IFT140: variants seen among roughly 807,000 people sequenced by gnomAD.
IFT140 encodes the protein intraflagellar transport 140, also known as intraflagellar transport protein 140 homolog.
In IFT140, 133 loss-of-function variants were observed where a neutral mutation model predicts 164.6. The observed-to-expected ratio is 0.81, with a 90% CI of 0.70 to 0.93. The LOEUF is 0.93. Ranked by LOEUF, IFT140 falls within the 40% of genes least tolerant of loss-of-function variation. IFT140 has a pLI of 0.00. For missense variants in IFT140, 2,045 were observed against 1,972.3 expected (o/e 1.04, Z -0.70); for synonymous variants, 860 against 817.3 (o/e 1.05, Z -0.89).
rs144087201 is a variant in IFT140, at chr16:1,589,719, C to T, written c.696G>A (p.Thr232=). ...KTTQVVSADS[T]IQMLFYMEKR... The stretch of plus-strand genomic sequence containing the variant: ...TCTCCATGTAGAACAGCATCTGAAT[C>T]GTGCTGTCTGCGGACACCACCTGAG... Residue 232 remains threonine, a synonymous_variant, in exon 7 of 31, where the codon ACG becomes ACA. Transcript: ENST00000426508. 27 of 1,614,016 alleles carry T rather than the reference C, an allele frequency of 1.7e-5. No homozygotes were observed. Among genetic ancestry groups the T allele is most frequent in the African/African-American group, 1.1e-4 (8 of 74,916 alleles).
Position 1,571,489 on chromosome 16 carries a change from G to A in IFT140, c.1570C>T (p.Pro524Ser), listed in dbSNP as rs1330192191. Residue 524 changes from proline (P) to serine (S), a missense_variant, in exon 14 of 31, where the codon CCC becomes TCC. Transcript: ENST00000426508. ...LLLFSETEGNPCFLDICGNFL... is the reference protein window; with the variant it reads ...LLLFSETEGNSCFLDICGNFL... ...TTCCCACAGATGTCCAAGAAGCAGG[G>A]ATTCCCCTCAGTCTCCGAGAAAAGG... is the stretch of plus-strand genomic sequence containing the variant. 6.2e-7 allele frequency: 1 copy of A among 1,613,990 alleles called. No individual in the cohort carries two copies. Among genetic ancestry groups the A allele is most frequent in the South Asian group, 1.1e-5 (1 of 91,076 alleles).
Position 1,558,096 on chromosome 16 carries a change from C to T in IFT140, c.2238G>A (p.Gly746=). ...ACACCATCTGAGGGATGTGGTGGCACCCAGGCTCCACCTCGTCTTCTCTGT... is the reference window on the plus strand; with the variant it reads ...ACACCATCTGAGGGATGTGGTGGCATCCAGGCTCCACCTCGTCTTCTCTGT... The part of the protein sequence containing the change: ...EADREDEVEP[G]CHHIPQMVSR... The change falls in exon 19 of 31, where the codon GGG becomes GGA. Residue 746 remains glycine, a synonymous_variant. Transcript: ENST00000426508. 1.2e-6 allele frequency: 2 copies of T among 1,614,148 alleles called. No homozygotes were observed. Among genetic ancestry groups the T allele is most frequent in the Non-Finnish European group, 1.7e-6 (2 of 1,180,024 alleles).
intron 6 of IFT140, among the ~76,000 whole-genome samples, chr16:1,591,354 T>C (rs921040755): frequency 5.3e-5 from 8 of 152,210 alleles, no homozygotes; most frequent in African/African-American, 1.9e-4. Context: ...ATGTCCCCCC[T>C]CCATTAGCTC....
intron 14 of IFT140, among the ~76,000 whole-genome samples, chr16:1,570,910 C>T (rs2033979615): frequency 6.6e-6 from 1 of 152,108 alleles, no homozygotes; most frequent in African/African-American, 2.4e-5. Context: ...TACGTGCCAC[C>T]ATGCCCAGCT....
At position 1,580,765 on chromosome 16, in the gene IFT140, G is replaced by A. The variant is rs199812296; in HGVS notation, c.1518C>T (p.Thr506=). ...TVESNRVQVR[T]WQGTVKQLLL... ...CAGTGGAGCAGCAACTTACCTGCCA[G>A]GTTCGAACTTGAACTCGGTTTGACT... Residue 506 remains threonine (T), a synonymous_variant, in exon 13 of 31, where the codon ACC becomes ACT. Coordinates refer to ENST00000426508, the MANE Select transcript of IFT140 (RefSeq NM_014714.4). The A allele has an allele frequency of 1.2e-6, 2 of 1,612,266 alleles. No homozygotes were observed. The highest frequency in any genetic ancestry group is 1.7e-6 in the Non-Finnish European group (2 of 1,178,310).
Position 1,564,069 on chromosome 16 carries a change from G to A in IFT140, c.1995C>T (p.Ala665=), listed in dbSNP as rs200653061. The A allele has an allele frequency of 4.6e-5, 74 of 1,604,526 alleles. No individual in the cohort carries two copies. The highest frequency in any genetic ancestry group is 3.0e-4 in the South Asian group (27 of 90,596). Residue 665 remains alanine, a synonymous_variant, in exon 17 of 31, where the codon GCC becomes GCT. Coordinates refer to ENST00000426508, the MANE Select transcript of IFT140 (RefSeq NM_014714.4). This position sits in a 1 kb window ranked among gnomAD's most constrained non-coding sequence, Gnocchi z 5.5. ...QSEPRLFVCE[A]VQETPRSQPQ... ...GCTGGGAGCGCGGCGTCTCCTGCAC[G>A]GCTTCGCATACAAACAGCCGGGGCT...
rs763569081 is a variant in IFT140, at chr16:1,562,112, T to C, written c.2072A>G (p.Asp691Gly). 1 of 1,596,786 alleles carries C rather than the reference T, an allele frequency of 6.3e-7. No homozygotes were observed. Among genetic ancestry groups the C allele is most frequent in the Non-Finnish European group, 8.5e-7 (1 of 1,172,888 alleles). The change falls in exon 18 of 31, where the codon GAT becomes GGT. Residue 691 changes from aspartate to glycine, a missense_variant. Coordinates refer to ENST00000426508, the MANE Select transcript of IFT140 (RefSeq NM_014714.4). ...PQDGRAGPAA[D>G]VLILSFFISE... ...AATGAAGAAGGACAGGATCAAAACA[T>C]CTGCCTGGGAGAGAAAGAAAAGTAC...
Position 1,583,306 on chromosome 16 carries a change from G to T in IFT140, c.1432+8C>A, listed in dbSNP as rs1470310323. ...GGGAGTGCCTCTGTCCGGGTGAAAAGAACCCACCTGCACTCCGTATCGCGG... is the reference window on the plus strand; with the variant it reads ...GGGAGTGCCTCTGTCCGGGTGAAAATAACCCACCTGCACTCCGTATCGCGG... On this transcript the variant is annotated splice_region_variant and intron_variant, in intron 12 of 30. Coordinates refer to ENST00000426508, the MANE Select transcript of IFT140 (RefSeq NM_014714.4). 6.2e-7 allele frequency: 1 copy of T among 1,613,464 alleles called. No individual in the cohort carries two copies. Among genetic ancestry groups the T allele is most frequent in the Admixed American group, 1.7e-5 (1 of 60,016 alleles).
Position 1,553,041 on chromosome 16 carries a change from A to C in IFT140, c.2399+4894T>G. 1.0e-6 allele frequency: 1 copy of C among 985,440 alleles called. No homozygotes were observed. The highest frequency in any genetic ancestry group is 1.2e-6 in the Non-Finnish European group (1 of 829,928). The allele number at this position is 985,440 out of a possible 1,614,324, so 61.0% of individuals were successfully genotyped here. A position where few individuals can be genotyped will look rare whatever the true frequency, so the allele number is the denominator to read the frequency against. On this transcript the variant is annotated intron_variant, in intron 19 of 30. Transcript: ENST00000426508. This position sits in a 1 kb window ranked among gnomAD's most constrained non-coding sequence, Gnocchi z 4.4. ...AAGTATTATAAAGAATGAACACAGA[A>C]ACCAGTCACTGTCATTGTTCAGGAC...
intron 14 of IFT140, among the ~76,000 whole-genome samples, chr16:1,569,825 C>A (rs2033928101): frequency 6.6e-6 from 1 of 151,334 alleles, no homozygotes; most frequent in Admixed American, 6.6e-5. Flanking sequence ...TGGGCCTAAG[C>A]AATCCACCTC....
Position 1,562,118 on chromosome 16 carries a change from T to C in IFT140, c.2068-2A>G, listed in dbSNP as rs1489989834. 1 of 1,579,614 alleles carries C rather than the reference T, an allele frequency of 6.3e-7. No homozygotes were observed. The highest frequency in any genetic ancestry group is 8.6e-7 in the Non-Finnish European group (1 of 1,166,684). Reference sequence around the variant, plus strand: ...GAAGGACAGGATCAAAACATCTGCCTGGGAGAGAAAGAAAAGTACTGTTCT... The same window carrying C: ...GAAGGACAGGATCAAAACATCTGCCCGGGAGAGAAAGAAAAGTACTGTTCT... On this transcript the variant is annotated splice_acceptor_variant, in intron 17 of 30. Transcript: ENST00000426508. LOFTEE classifies it high-confidence loss of function.
At chr16:1,555,273 C>A (rs2033001022) in intron 19 of IFT140, 1 of 508,042 alleles carries the variant, frequency 2.0e-6, no homozygotes, top group Non-Finnish European at 3.5e-6. Context: ...GGCTCCACGA[C>A]CACACGCACT....
chr16:1,603,340 G>C (rs997512526), intron 3 of IFT140, among the ~76,000 whole-genome samples: 1 of 152,108 alleles, frequency 6.6e-6, no homozygotes, highest in Non-Finnish European at 1.5e-5. Context: ...GGATCTGAAA[G>C]GTGAAAATTA....
chr16:1,545,284 AG>A (rs2032073185), intron 19 of IFT140, among the ~76,000 whole-genome samples: 1 of 150,908 alleles, frequency 6.6e-6, no homozygotes, highest in African/African-American at 2.4e-5. Context: ...CCAGAACGGC[AG>A]GCACCAGGGC....
chr16:1,541,790 C>A (rs780165207), intron 19 of IFT140: 30 of 1,135,456 alleles, frequency 2.6e-5, no homozygotes, highest in Non-Finnish European at 3.4e-5. Context: ...GAAGCCACTG[C>A]CCAATGGAGG....
chr16:1,546,970 C>T lies in IFT140; in HGVS notation c.2399+10965G>A, dbSNP rs922463462. Among the ~76,000 whole-genome samples the T allele has an allele frequency of 2.6e-5, 4 of 152,218 alleles. No individual in the cohort carries two copies. In the East Asian group the frequency reaches 5.8e-4, roughly 22 times the overall value. On this transcript the variant is annotated intron_variant, in intron 19 of 30. Transcript: ENST00000426508. ...AGTGAAGTCCCCGCCGTCCCCCAGT[C>T]GGTGCTCACATGACACTCTCTGCAT...
chr16:1,515,141 A>G (rs2040301226), intron 30 of IFT140, among the ~76,000 whole-genome samples: 1 of 152,218 alleles, frequency 6.6e-6, no homozygotes, highest in Non-Finnish European at 1.5e-5. Context: ...CAGAAGGAGA[A>G]AAAGAGCAAA....
At chr16:1,549,280 T>C (rs182333927) in intron 19 of IFT140, among the ~76,000 whole-genome samples, 16 of 152,374 alleles carry the variant, frequency 1.1e-4, no homozygotes, top group Admixed American at 2.6e-4. Context: ...CTTAGCCTTT[T>C]TTCACACAAG....
rs72761129 is a variant in IFT140, at chr16:1,590,681, C to T, written c.635-901G>A. 3.7e-3 allele frequency among the ~76,000 whole-genome samples: 564 copies of T among 152,316 alleles called. 2 individuals are homozygous for T. The highest frequency in any genetic ancestry group is 6.6e-3 in the Non-Finnish European group (452 of 68,032). ...TGGGGACTCAGGCTCATTTTTGCTG[C>T]TCTGTGGAGACTCCTCTGGGAGCCT... On this transcript the variant is annotated intron_variant, in intron 6 of 30. Transcript: ENST00000426508.
Sources: gnomAD v4.1 joint callset for allele counts (sites outside exome capture counted in the v4.1 genomes callset) on GRCh38, gnomAD v4.1.1 for gene constraint, Gnocchi (gnomAD v3.1) non-coding constraint, MANE v1.5 for transcripts, NCBI Gene and HGNC (gene_info 2026-07-23, HGNC 2026-07-21) for gene names.